Variants in OOSP4B observed in about 807,000 individuals in gnomAD.
OOSP4B encodes oocyte secreted protein family member 4B.
intron 3 of OOSP4B, among the ~76,000 whole-genome samples, chr11:60,028,464 C>T (rs903089602): frequency 2.0e-5 from 3 of 152,118 alleles, no homozygotes; most frequent in South Asian, 2.1e-4. Flanking sequence ...CTGCACCTGG[C>T]GTGTAATCAC....
chr11:60,017,935 G>A (rs1854642928), intron 1 of OOSP4B, among the ~76,000 whole-genome samples: 1 of 152,152 alleles, frequency 6.6e-6, no homozygotes, highest in Admixed American at 6.5e-5. Context: ...ATATACTGAA[G>A]TTTGGGAAAC....
exon 5 of OOSP4B, chr11:60,031,002 T>C: frequency 2.5e-6 from 1 of 392,580 alleles, no homozygotes; most frequent in Non-Finnish European, 4.5e-6. Context: ...ATCTATACCA[T>C]GATATTTATA....
intron 3 of OOSP4B, among the ~76,000 whole-genome samples, chr11:60,025,955 A>G (rs796634007): frequency 8.5e-5 from 13 of 152,210 alleles, no homozygotes; most frequent in African/African-American, 3.1e-4. Context: ...GCATTTTCTG[A>G]TAACTAATTA....
At chr11:60,028,736 T>C (rs1854772353) in intron 3 of OOSP4B, among the ~76,000 whole-genome samples, 1 of 152,228 alleles carries the variant, frequency 6.6e-6, no homozygotes, top group South Asian at 2.1e-4. Context: ...AGTAATGGTA[T>C]TAAGACATGA....
At chr11:60,020,698 C>T (rs551096882) in intron 1 of OOSP4B, among the ~76,000 whole-genome samples, 14 of 152,248 alleles carry the variant, frequency 9.2e-5, no homozygotes, top group South Asian at 4.1e-4. Flanking sequence ...GCTCCTCAAG[C>T]GGCCAGAGTG....
rs138750901 is a variant in OOSP4B at position 60,029,502 on chromosome 11, T to A, written c.303-280T>A. On this transcript the variant is annotated intron_variant, in intron 3 of 4. Coordinates refer to ENST00000642343, the Ensembl canonical transcript of OOSP4B. ...CATAGTCCATTCAGCATAGATAGAA[T>A]GTTTGTCACATCTAACAATCATTTT... Among the ~76,000 whole-genome samples the A allele has an allele frequency of 7.2e-5, 11 of 152,312 alleles. No homozygotes were observed. In the East Asian group the frequency reaches 2.1e-3, roughly 29 times the overall value.
chr11:60,018,369 C>T (rs985637761), intron 1 of OOSP4B, among the ~76,000 whole-genome samples: 1 of 152,144 alleles, frequency 6.6e-6, no homozygotes, highest in Non-Finnish European at 1.5e-5. Flanking sequence ...TCACTCGTAT[C>T]TAGTGGATAG....
At chr11:60,018,034 T>A (rs1211352593) in intron 1 of OOSP4B, among the ~76,000 whole-genome samples, 1 of 152,036 alleles carries the variant, frequency 6.6e-6, no homozygotes, top group Non-Finnish European at 1.5e-5. Flanking sequence ...CAGGAAAAAA[T>A]TACTAGGAAT....
intron 1 of OOSP4B, among the ~76,000 whole-genome samples, chr11:60,020,484 G>C (rs968463887): frequency 4.6e-5 from 7 of 152,220 alleles, no homozygotes; most frequent in South Asian, 2.1e-4. Flanking sequence ...CTGCCCGGGT[G>C]GGGGCGGGGG....
exon 4 of OOSP4B, chr11:60,029,817 G>C (rs1046198454): frequency 2.5e-6 from 1 of 398,330 alleles, no homozygotes; most frequent in African/African-American, 2.1e-5. Flanking sequence ...TTTGGAATGA[G>C]TGGGTTTGAT....
chr11:60,021,478 A>C (rs1398940052), intron 1 of OOSP4B: 1 of 152,256 alleles, frequency 6.6e-6, no homozygotes, highest in Non-Finnish European at 1.5e-5. Context: ...ACAGATGTTC[A>C]GTGGACAAAG....
At chr11:60,028,426 A>G (rs1180209264) in intron 3 of OOSP4B, among the ~76,000 whole-genome samples, 2 of 152,114 alleles carry the variant, frequency 1.3e-5, no homozygotes, top group South Asian at 2.1e-4. Flanking sequence ...TCGGCCTCCC[A>G]AAGTGGTAGG....
intron 3 of OOSP4B, among the ~76,000 whole-genome samples, chr11:60,025,624 C>T (rs1051814210): frequency 5.3e-5 from 8 of 152,124 alleles, no homozygotes; most frequent in Middle Eastern, 3.4e-3. Context: ...TTTATATTGC[C>T]GAGTGGTATA....
chr11:60,019,502 T>C (rs1011683652), intron 1 of OOSP4B: 1 of 156,022 alleles, frequency 6.4e-6, no homozygotes, highest in Non-Finnish European at 1.4e-5. Flanking sequence ...CTTCTGATGT[T>C]CGGATGTGTT....
At chr11:60,018,789 G>A (rs1854652145) in intron 1 of OOSP4B, among the ~76,000 whole-genome samples, 1 of 152,164 alleles carries the variant, frequency 6.6e-6, no homozygotes, top group African/African-American at 2.4e-5. Context: ...TTTTTTGTAT[G>A]TGGGTCTTTC....
At chr11:60,029,860 A>C (rs1342770062) in exon 4 of OOSP4B, 1 of 398,534 alleles carries the variant, frequency 2.5e-6, no homozygotes, top group East Asian at 3.6e-5. Context: ...CTCAAAAAAC[A>C]AAAGGACAAG....
intron 1 of OOSP4B, among the ~76,000 whole-genome samples, chr11:60,019,218 T>G (rs933796963): frequency 1.3e-5 from 2 of 150,948 alleles, no homozygotes; most frequent in Admixed American, 1.3e-4. Context: ...GCGAGACTCT[T>G]TCTCAGAAAA....
At chr11:60,027,677 A>AAAAAAAAAAAAAAAAAAAT (rs1854758086) in intron 3 of OOSP4B, among the ~76,000 whole-genome samples, 1 of 147,932 alleles carries the variant, frequency 6.8e-6, no homozygotes, top group Non-Finnish European at 1.5e-5. Flanking sequence ...AAAAAAAAAA[A>AAAAAAAAAAAAAAAAAAAT]AAAGATGATC....
intron 3 of OOSP4B, 69 bp from the exon 4 acceptor site, chr11:60,029,713 A>G: frequency 5.0e-6 from 2 of 397,512 alleles, no homozygotes; most frequent in Non-Finnish European, 8.9e-6. Context: ...TATCTAATAC[A>G]TATTTTTCCC....
Sources: gnomAD v4.1 joint callset for allele counts (sites outside exome capture counted in the v4.1 genomes callset) on GRCh38, gnomAD v4.1.1 for gene constraint, MANE v1.5 for transcripts, NCBI Gene and HGNC (gene_info 2026-07-23, HGNC 2026-07-21) for gene names.